S100Z: variants seen among roughly 807,000 people sequenced by gnomAD.
S100Z encodes the protein protein S100-Z.
In S100Z, 11 loss-of-function variants were observed where a neutral mutation model predicts 8.5. The observed-to-expected ratio is 1.30, with a 90% CI of 0.82 to 2.15. The LOEUF is 2.15. Ranked by LOEUF, S100Z falls within the 30% of genes most tolerant of loss-of-function variation. The probability of loss-of-function intolerance (pLI) is 0.00; values close to 1 mark genes in which losing one functional copy is unlikely to be tolerated. For missense variants in S100Z, 126 were observed against 117.9 expected (o/e 1.07, Z -0.32); for synonymous variants, 34 against 43.8 (o/e 0.78, Z 0.89).
At chr5:76,867,988 A>T (rs6869909) in intron 1 of S100Z, among the ~76,000 whole-genome samples, 2 of 152,064 alleles carry the variant, frequency 1.3e-5, no homozygotes, top group East Asian at 3.9e-4. Context: ...CCAAAATTGC[A>T]AAGTGCAATG....
chr5:76,925,562 C>G (rs1207084861), downstream of S100Z, among the ~76,000 whole-genome samples: 1 of 152,132 alleles, frequency 6.6e-6, no homozygotes, highest in Non-Finnish European at 1.5e-5. Context: ...TTCCCACAAG[C>G]ACTTTTTTTT....
chr5:76,854,833 C>T (rs1015277421), intron 1 of S100Z, among the ~76,000 whole-genome samples: 12 of 152,250 alleles, frequency 7.9e-5, no homozygotes, highest in Admixed American at 6.5e-5. Flanking sequence ...GCAGCCCCTC[C>T]AATCACAGGC....
At chr5:76,951,556 C>T in the S100Z span, among the ~76,000 whole-genome samples, 1 of 152,138 alleles carries the variant, frequency 6.6e-6, no homozygotes, top group Non-Finnish European at 1.5e-5. Flanking sequence ...GGTGAGTGGG[C>T]CTAAGGCTCC....
At chr5:76,855,232 G>T (rs182706251) in intron 1 of S100Z, among the ~76,000 whole-genome samples, 7 of 152,288 alleles carry the variant, frequency 4.6e-5, no homozygotes, top group Middle Eastern at 3.4e-3. Flanking sequence ...TCCCCGTTGG[G>T]GCATTGCCTA....
chr5:76,859,774 A>AAAAAAAAAAAG (rs1484283206), intron 1 of S100Z, among the ~76,000 whole-genome samples: 1 of 149,854 alleles, frequency 6.7e-6, no homozygotes, highest in Non-Finnish European at 1.5e-5. Flanking sequence ...GAGCCAAAAA[A>AAAAAAAAAAAG]AAAAAAAAAA....
At chr5:76,869,842 A>G (rs758518704) in intron 1 of S100Z, among the ~76,000 whole-genome samples, 25 of 152,084 alleles carry the variant, frequency 1.6e-4, no homozygotes, top group Non-Finnish European at 7.4e-5. Context: ...AACATGGTGA[A>G]ACCCCATCTA....
chr5:76,933,581 A>C, the S100Z span, among the ~76,000 whole-genome samples: 2 of 152,200 alleles, frequency 1.3e-5, no homozygotes, highest in African/African-American at 4.8e-5. Flanking sequence ...GTTACATGTC[A>C]GGCCCTGTAC....
At chr5:76,937,376 T>A in the S100Z span, among the ~76,000 whole-genome samples, 4 of 152,220 alleles carry the variant, frequency 2.6e-5, no homozygotes, top group South Asian at 4.1e-4. Flanking sequence ...ATAGATAGTA[T>A]AATAATACAT....
rs199980500 is a variant in S100Z, at chr5:76,853,442, CT to C, written c.-176+3289del. On this transcript the variant is annotated intron_variant, in intron 1 of 4. Transcript: ENST00000317593. ...ATTAAGCTTGAACTACTTTTATTTG[CT>C]TATTCTATTACTTGCTAATATGGTT... Among the ~76,000 whole-genome samples, 629 of 152,274 alleles carry C rather than the reference CT, an allele frequency of 4.1e-3. 4 individuals carry two copies. Among genetic ancestry groups the C allele is most frequent in the African/African-American group, 0.014 (601 of 41,560 alleles).
intron 4 of S100Z, among the ~76,000 whole-genome samples, chr5:76,889,563 A>T (rs1039195045): frequency 6.6e-6 from 1 of 152,258 alleles, no homozygotes; most frequent in Non-Finnish European, 1.5e-5. Flanking sequence ...CTAGTCCAGG[A>T]TAGACATTAT....
At chr5:76,871,411 C>A (rs1008857295) in intron 2 of S100Z, among the ~76,000 whole-genome samples, 9 of 152,072 alleles carry the variant, frequency 5.9e-5, no homozygotes, top group African/African-American at 1.9e-4. Context: ...ATAAGAAGAA[C>A]CTTGGCTTCC....
chr5:76,932,935 A>T, the S100Z span, among the ~76,000 whole-genome samples: 1 of 152,222 alleles, frequency 6.6e-6, no homozygotes, highest in Non-Finnish European at 1.5e-5. Flanking sequence ...GAAACTCATT[A>T]AAATGAAAAT....
At chr5:76,877,910 C>T in intron 4 of S100Z, 76 bp downstream of exon 4, 1 of 902,176 alleles carries the variant, frequency 1.1e-6, no homozygotes, top group Non-Finnish European at 1.8e-6. Context: ...CCGTTCAGAT[C>T]TATAGACCCA....
chr5:76,932,695 C>T, the S100Z span, among the ~76,000 whole-genome samples: 1 of 152,172 alleles, frequency 6.6e-6, no homozygotes, highest in Admixed American at 6.5e-5. Context: ...AGATGTCTCC[C>T]ACTGTGTGGC....
At chr5:76,937,579 G>A in the S100Z span, among the ~76,000 whole-genome samples, 1 of 151,652 alleles carries the variant, frequency 6.6e-6, no homozygotes, top group African/African-American at 2.4e-5. Context: ...AACATAGTGA[G>A]ACCTTGTCTC....
the S100Z span, among the ~76,000 whole-genome samples, chr5:76,931,287 CT>C: frequency 6.6e-6 from 1 of 151,888 alleles, no homozygotes; most frequent in African/African-American, 2.4e-5. Context: ...TTTTAAAAAA[CT>C]TTTTTGTAGA....
At chr5:76,868,871 G>A (rs1742895694) in intron 1 of S100Z, among the ~76,000 whole-genome samples, 1 of 152,040 alleles carries the variant, frequency 6.6e-6, no homozygotes, top group African/African-American at 2.4e-5. Flanking sequence ...TGATCTACCC[G>A]CCTCAGCCTC....
At chr5:76,918,998 C>T (rs1033965197) in intron 4 of S100Z, among the ~76,000 whole-genome samples, 1 of 152,148 alleles carries the variant, frequency 6.6e-6, no homozygotes, top group Non-Finnish European at 1.5e-5. Context: ...AAGTTTTCTT[C>T]GTGGCTTTTC....
chr5:76,933,561 C>T, the S100Z span, among the ~76,000 whole-genome samples: 13 of 152,286 alleles, frequency 8.5e-5, 1 homozygote, highest in East Asian at 5.8e-4. Flanking sequence ...CTACCATCCC[C>T]GGAGCATTTG....
Sources: gnomAD v4.1 joint callset for allele counts (sites outside exome capture counted in the v4.1 genomes callset) on GRCh38, gnomAD v4.1.1 for gene constraint, MANE v1.5 for transcripts, NCBI Gene and HGNC (gene_info 2026-07-23, HGNC 2026-07-21) for gene names.